FAT3: variants seen among roughly 807,000 people sequenced by gnomAD.
FAT3 encodes the protein protocadherin Fat 3.
FAT3 carries 95 observed loss-of-function variants against 310.2 expected under a neutral mutation model. The ratio of observed to expected loss-of-function variants is 0.31; its 90% confidence interval spans 0.26 to 0.36. FAT3 has a LOEUF of 0.36. FAT3 is among the 10% of genes least tolerant of loss of function. The pLI, the probability that FAT3 is intolerant of heterozygous loss-of-function variation, is 1.00. For synonymous variants in FAT3, 2,314 were observed against 2,192.9 expected (o/e 1.06, Z -1.54); for missense variants, 5,408 against 5,715.6 (o/e 0.95, Z 1.74).
At position 92,882,769 on chromosome 11, in the gene FAT3, G is replaced by A. The variant is rs1949702345; in HGVS notation, c.12313G>A (p.Glu4105Lys). 1 of 1,611,036 alleles carries A rather than the reference G, an allele frequency of 6.2e-7. No homozygotes were observed. The highest frequency in any genetic ancestry group is 2.2e-5 in the East Asian group (1 of 44,796). The change falls in exon 24 of 28, where the codon GAG becomes AAG. Residue 4105 changes from glutamate to lysine, a missense_variant. Glu to Lys is a moderately conservative substitution (Grantham distance 56). Coordinates refer to ENST00000525166, the MANE Select transcript of FAT3 (RefSeq NM_001367949.2). ...CEEDINECER[E>K]ECENGGSCVN... is the part of the protein sequence containing the mutation. The stretch of plus-strand genomic sequence containing the variant: ...GGAGGACATCAATGAGTGCGAACGA[G>A]AGGAGTGTGAGAACGGAGGCTCCTG...
At chr11:92,389,770 G>A (rs1361760128) in intron 2 of FAT3, among the ~76,000 whole-genome samples, 1 of 152,104 alleles carries the variant, frequency 6.6e-6, no homozygotes, top group Non-Finnish European at 1.5e-5. Context: ...GATCACATGA[G>A]TGTCAGGGTA....
chr11:92,276,341 C>T (rs1322520683), intron 1 of FAT3, among the ~76,000 whole-genome samples: 1 of 152,086 alleles, frequency 6.6e-6, no homozygotes, highest in Non-Finnish European at 1.5e-5. Context: ...TGCGAGTAAG[C>T]ATTTTATCTT....
intron 1 of FAT3, among the ~76,000 whole-genome samples, chr11:92,278,633 T>C (rs556933243): frequency 1.2e-4 from 18 of 152,306 alleles, no homozygotes; most frequent in African/African-American, 4.3e-4. Flanking sequence ...TACACACACG[T>C]AATTTTCCTA....
chr11:92,813,043 G>T (rs1236472486), intron 13 of FAT3, among the ~76,000 whole-genome samples: 1 of 152,104 alleles, frequency 6.6e-6, no homozygotes. Context: ...CTGCCATCAT[G>T]TGAAAAAGGA....
At chr11:92,880,641 CAAAG>C (rs1373816054) in intron 22 of FAT3, 86 bp from the exon 23 acceptor site, 181 of 1,430,716 alleles carry the variant, frequency 1.3e-4, no homozygotes, top group Non-Finnish European at 1.7e-4. Context: ...TACGGTTCAA[CAAAG>C]AATTAGGAGG....
intron 3 of FAT3, among the ~76,000 whole-genome samples, chr11:92,620,233 T>C (rs577289741): frequency 1.6e-4 from 24 of 152,332 alleles, no homozygotes; most frequent in Non-Finnish European, 2.9e-4. Context: ...ATAATTCCAA[T>C]CTTTTTAAAT....
intron 2 of FAT3, among the ~76,000 whole-genome samples, chr11:92,516,023 G>A (rs957411914): frequency 1.3e-5 from 2 of 152,038 alleles, no homozygotes; most frequent in African/African-American, 2.4e-5. Context: ...AAAAGCCCAG[G>A]ATCAGACAGA....
intron 3 of FAT3, among the ~76,000 whole-genome samples, chr11:92,657,445 G>GC (rs1361993459): frequency 6.6e-6 from 1 of 152,236 alleles, no homozygotes; most frequent in Non-Finnish European, 1.5e-5. Flanking sequence ...AGTGGGCACA[G>GC]CCCCGGACTC....
chr11:92,722,754 C>T (rs570881558), intron 4 of FAT3, among the ~76,000 whole-genome samples: 1 of 152,348 alleles, frequency 6.6e-6, no homozygotes, highest in East Asian at 1.9e-4. Context: ...TGTGCACTCA[C>T]AGGCTCAATA....
At chr11:92,281,427 G>A (rs909057143) in intron 1 of FAT3, among the ~76,000 whole-genome samples, 1 of 152,138 alleles carries the variant, frequency 6.6e-6, no homozygotes, top group African/African-American at 2.4e-5. Context: ...ATGCAAATGA[G>A]TTCAAGGATC....
intron 4 of FAT3, among the ~76,000 whole-genome samples, chr11:92,698,810 C>G (rs1944014412): frequency 6.6e-6 from 1 of 152,104 alleles, no homozygotes; most frequent in Admixed American, 6.5e-5. Flanking sequence ...GGGCTTCTTT[C>G]CTTTCCAGAA....
intron 3 of FAT3, among the ~76,000 whole-genome samples, chr11:92,623,903 A>G (rs934952514): frequency 6.6e-5 from 10 of 152,164 alleles, no homozygotes; most frequent in South Asian, 2.1e-4. Flanking sequence ...AGATCGCACC[A>G]CTGCACTCCA....
chr11:92,834,813 A>G, intron 14 of FAT3, 57 bp from the exon 15 acceptor site: 3 of 1,383,616 alleles, frequency 2.2e-6, no homozygotes, highest in Non-Finnish European at 2.0e-6. Flanking sequence ...TGATTATAGA[A>G]TTGCTGACCA....
chr11:92,785,068 A>G (rs544871635), intron 7 of FAT3, among the ~76,000 whole-genome samples: 24 of 152,150 alleles, frequency 1.6e-4, no homozygotes, highest in South Asian at 1.2e-3. Context: ...ACCACAAAGT[A>G]CTATAGGGCA....
intron 4 of FAT3, among the ~76,000 whole-genome samples, chr11:92,717,336 G>C (rs182267747): frequency 5.8e-4 from 88 of 152,268 alleles, no homozygotes; most frequent in African/African-American, 2.1e-3. Context: ...TTCCAATGGG[G>C]GTCCTAATTC....
chr11:92,677,618 G>C (rs1235386467), intron 3 of FAT3, among the ~76,000 whole-genome samples: 2 of 152,196 alleles, frequency 1.3e-5, no homozygotes, highest in African/African-American at 4.8e-5. Flanking sequence ...CCAAGGTCAA[G>C]AGGTTTGCAT....
In FAT3 at chr11:92,831,896, C is replaced by T. The variant is rs908857121; in HGVS notation, c.9756C>T (p.Gly3252=). Residue 3252 remains glycine, a synonymous_variant, in exon 14 of 28, where the codon GGC becomes GGT. Coordinates refer to ENST00000525166, the MANE Select transcript of FAT3 (RefSeq NM_001367949.2). ...CGGTGCCTGAGGACACCTCCCCTGG[C>T]ACCCAAGTCCTTGCTGTTTTTGCCA... The part of the protein sequence containing the change: ...LVTVPEDTSP[G]TQVLAVFATS... 6.2e-6 allele frequency: 10 copies of T among 1,612,112 alleles called. No individual in the cohort carries two copies. The African/African-American group carries it at 1.2e-4, about 19-fold the overall frequency.
At chr11:92,469,313 C>T (rs1951850557) in intron 2 of FAT3, among the ~76,000 whole-genome samples, 1 of 152,094 alleles carries the variant, frequency 6.6e-6, no homozygotes. Flanking sequence ...ATTTATAAAG[C>T]ACTTATTTGC....
In FAT3 at chr11:92,555,077, T is replaced by C. The variant is rs532329801; in HGVS notation, c.3607+30129T>C. Among the ~76,000 whole-genome samples, 9 of 152,340 alleles carry C rather than the reference T, an allele frequency of 5.9e-5. No individual in the cohort carries two copies. In the East Asian group the frequency reaches 1.5e-3, roughly 26 times the overall value. The stretch of plus-strand genomic sequence containing the variant: ...GCTTTGAGACCACACACACCCACTA[T>C]ACACACCAATCAACTCTTGTTTCAA... On this transcript the variant is annotated intron_variant, in intron 3 of 27. Coordinates refer to ENST00000525166, the MANE Select transcript of FAT3 (RefSeq NM_001367949.2).
Sources: allele counts gnomAD v4.1 joint callset (sites outside exome capture counted in the v4.1 genomes callset), GRCh38; gene constraint gnomAD v4.1.1; transcripts MANE v1.5; gene names NCBI Gene and HGNC (gene_info 2026-07-23, HGNC 2026-07-21).